The following ZNF831 variants were observed in gnomAD, a reference collection of about 807,000 sequenced individuals.
ZNF831 encodes chromosome 20 open reading frame 174.
Under a neutral mutation model 95.8 loss-of-function variants are expected in ZNF831, and 59 were observed. That is an observed-to-expected ratio of 0.62 (90% CI 0.50 to 0.77). The LOEUF is 0.77. Among genes scored for constraint, ZNF831 ranks in the 30% least tolerant of loss-of-function variants. The probability of loss-of-function intolerance (pLI) is 0.00; values close to 1 mark genes in which losing one functional copy is unlikely to be tolerated. For missense variants in ZNF831, 2,205 were observed against 2,164.0 expected, an observed-to-expected ratio of 1.02 and a Z score of -0.38; for synonymous variants, 961 against 925.5, an observed-to-expected ratio of 1.04 and a Z score of -0.70.
Position 59,232,994 on chromosome 20 carries a change from GCACACACACACACACA to G in ZNF831, c.4028-19949_4028-19934del, listed in dbSNP as rs59267396. Among the ~76,000 whole-genome samples, 703 of 123,078 alleles carry G rather than the reference GCACACACACACACACA, an allele frequency of 5.7e-3. 6 individuals carry two copies. Among genetic ancestry groups the G allele is most frequent in the Middle Eastern group, 0.017 (4 of 242 alleles). 80.7% of individuals were successfully genotyped at this position (123,078 alleles called of 152,430 possible). A position where few individuals can be genotyped will look rare whatever the true frequency, so the allele number is the denominator to read the frequency against. ...TCATTTTATAGGTGAGGACCCTGAG[GCACACACACACACACA>G]CACACACACACACACACACACACAC... On this transcript the variant is annotated intron_variant, in intron 4 of 5. Coordinates refer to ENST00000371030, the MANE Select transcript of ZNF831 (RefSeq NM_178457.3).
At chr20:59,181,633 C>T (rs1982623083) in intron 1 of ZNF831, among the ~76,000 whole-genome samples, 1 of 151,994 alleles carries the variant, frequency 6.6e-6, no homozygotes, top group Admixed American at 6.6e-5. Flanking sequence ...GAATCCTTTC[C>T]CCATTGCTTA....
intron 4 of ZNF831, among the ~76,000 whole-genome samples, chr20:59,240,559 T>C (rs1442472515): frequency 6.6e-6 from 1 of 152,082 alleles, no homozygotes; most frequent in East Asian, 1.9e-4. Context: ...CCCAGCACTT[T>C]GGGAGGCTGA....
At position 59,195,990 on chromosome 20, in the gene ZNF831, A is replaced by G. The variant is rs1460866930; in HGVS notation, c.3860A>G (p.Lys1287Arg). 2 of 1,613,940 alleles carry G rather than the reference A, an allele frequency of 1.2e-6. No individual in the cohort carries two copies. The highest frequency in any genetic ancestry group is 1.7e-6 in the Non-Finnish European group (2 of 1,179,956). Residue 1287 changes from lysine (K) to arginine (R), a missense_variant, in exon 3 of 6, where the codon AAG becomes AGG. Transcript: ENST00000371030. ...GGGAACAGCAAGCAGAGAAAACTGA[A>G]GATCAACCCTAAAAGGTAGGATGAG... Reference protein sequence around the residue: ...SRGNSKQRKLKINPKRYKGNF... With the variant: ...SRGNSKQRKLRINPKRYKGNF...
intron 3 of ZNF831, among the ~76,000 whole-genome samples, chr20:59,199,927 C>T (rs1429013526): frequency 6.6e-6 from 1 of 152,068 alleles, no homozygotes; most frequent in East Asian, 1.9e-4. Context: ...GTTTTTATTA[C>T]TCTGCAAATA....
intron 3 of ZNF831, among the ~76,000 whole-genome samples, chr20:59,198,169 A>G (rs755215557): frequency 1.3e-5 from 2 of 152,198 alleles, no homozygotes; most frequent in Non-Finnish European, 2.9e-5. Flanking sequence ...GGAGCCCAGG[A>G]GGCTTGGAGA....
chr20:59,181,520 T>G (rs996157610), intron 1 of ZNF831, among the ~76,000 whole-genome samples: 4 of 152,210 alleles, frequency 2.6e-5, no homozygotes, highest in Admixed American at 1.3e-4. Context: ...TACATTTAAG[T>G]CTTTAATCCA....
chr20:59,254,614 C>T lies in ZNF831; in HGVS notation c.4905C>T (p.Pro1635=), dbSNP rs778368445. The part of the protein sequence containing the change: ...DSVVPSKPEQ[P]IEIPEAPSKS... Reference sequence around the variant, plus strand: ...TGGTTCCTTCTAAGCCAGAGCAGCCCATAGAAATTCCTGAAGCCCCTTCTA... The same window carrying T: ...TGGTTCCTTCTAAGCCAGAGCAGCCTATAGAAATTCCTGAAGCCCCTTCTA... The change falls in exon 6 of 6, where the codon CCC becomes CCT. Residue 1635 remains proline, a synonymous_variant. Transcript: ENST00000371030. This position sits in a 1 kb window ranked among gnomAD's most constrained non-coding sequence, Gnocchi z 4.5. 1.9e-6 allele frequency: 3 copies of T among 1,613,852 alleles called. No homozygotes were observed. Among genetic ancestry groups the T allele is most frequent in the Admixed American group, 1.7e-5 (1 of 59,988 alleles).
intron 1 of ZNF831, among the ~76,000 whole-genome samples, chr20:59,133,887 C>T (rs1461497189): frequency 1.3e-5 from 2 of 152,200 alleles, no homozygotes; most frequent in African/African-American, 2.4e-5. Flanking sequence ...CAGAGAAGAG[C>T]GCATCATTGC....
chr20:59,222,757 C>G (rs1359808642), intron 4 of ZNF831, among the ~76,000 whole-genome samples: 2 of 152,178 alleles, frequency 1.3e-5, no homozygotes, highest in African/African-American at 4.8e-5. Flanking sequence ...GCCTGGAGTC[C>G]GGTCTGGGAG....
chr20:59,191,571 G>T lies in ZNF831; in HGVS notation c.552G>T (p.Gln184His), dbSNP rs764737660. 6.2e-7 allele frequency: 1 copy of T among 1,612,354 alleles called. No homozygotes were observed. Among genetic ancestry groups the T allele is most frequent in the Non-Finnish European group, 8.5e-7 (1 of 1,179,514 alleles). ...CCTGCGGCATCGCCTTTAAGACCCAGAGCAATCTCTACAAGCACAGGCGGA... is the reference window on the plus strand; with the variant it reads ...CCTGCGGCATCGCCTTTAAGACCCATAGCAATCTCTACAAGCACAGGCGGA... Reference protein sequence around the residue: ...CATCGIAFKTQSNLYKHRRTQ... With the variant: ...CATCGIAFKTHSNLYKHRRTQ... The change falls in exon 2 of 6, where the codon CAG becomes CAT. Residue 184 changes from glutamine to histidine, a missense_variant. Physicochemically the swap from Gln to His is conservative, Grantham distance 24. Transcript: ENST00000371030.
In ZNF831 at chr20:59,191,938, C is replaced by A; in HGVS notation, c.919C>A (p.Pro307Thr). ...PWRKLPEQKS[P>T]TAGKPCALQR... is the part of the protein sequence containing the mutation. Reference sequence around the variant, plus strand: ...GCGTAAGTTGCCAGAGCAGAAGTCGCCGACCGCCGGGAAGCCGTGCGCCCT... The same window carrying A: ...GCGTAAGTTGCCAGAGCAGAAGTCGACGACCGCCGGGAAGCCGTGCGCCCT... Residue 307 changes from proline (P) to threonine (T), a missense_variant, in exon 2 of 6, where the codon CCG becomes ACG. Pro to Thr is a conservative substitution (Grantham distance 38, BLOSUM62 -1). Transcript: ENST00000371030. 1 of 1,609,712 alleles carries A rather than the reference C, an allele frequency of 6.2e-7. No homozygotes were observed. Among genetic ancestry groups the A allele is most frequent in the Admixed American group, 1.7e-5 (1 of 59,844 alleles).
intron 2 of ZNF831, among the ~76,000 whole-genome samples, chr20:59,151,311 G>T (rs1980223163): frequency 6.6e-6 from 1 of 152,142 alleles, no homozygotes; most frequent in African/African-American, 2.4e-5. Flanking sequence ...CCCATCTCTG[G>T]ACAGAAGGAA....
Position 59,255,724 on chromosome 20 carries a change from C to A in ZNF831, c.*981C>A, listed in dbSNP as rs764767192. The A allele has an allele frequency of 6.6e-6, 1 of 152,168 alleles. No homozygotes were observed. The highest frequency in any genetic ancestry group is 1.5e-5 in the Non-Finnish European group (1 of 68,034). 9.4% of individuals were successfully genotyped at this position (152,168 alleles called of 1,614,324 possible). A position where few individuals can be genotyped will look rare whatever the true frequency, so the allele number is the denominator to read the frequency against. ...CCTTTTAGATTTCCTTCAGAAGCTTCAAGGATACAAAACTAATTGGAGTTT... is the reference window on the plus strand; with the variant it reads ...CCTTTTAGATTTCCTTCAGAAGCTTAAAGGATACAAAACTAATTGGAGTTT... On this transcript the variant is annotated 3_prime_UTR_variant, in exon 6 of 6. Transcript: ENST00000371030.
At chr20:59,216,563 G>A (rs1384964933) in intron 4 of ZNF831, among the ~76,000 whole-genome samples, 1 of 152,192 alleles carries the variant, frequency 6.6e-6, no homozygotes, top group Non-Finnish European at 1.5e-5. Flanking sequence ...CCCATGGTGG[G>A]CATGCTGCCT....
At chr20:59,222,403 A>G (rs1446322726) in intron 4 of ZNF831, among the ~76,000 whole-genome samples, 1 of 151,968 alleles carries the variant, frequency 6.6e-6, no homozygotes, top group Non-Finnish European at 1.5e-5. Flanking sequence ...CTTCTGGAAG[A>G]ACACAAAGCC....
chr20:59,193,331 G>T lies in ZNF831; in HGVS notation c.2312G>T (p.Gly771Val), dbSNP rs768817514. The T allele has an allele frequency of 1.2e-6, 2 of 1,613,014 alleles. No individual in the cohort carries two copies. Among genetic ancestry groups the T allele is most frequent in the Non-Finnish European group, 1.7e-6 (2 of 1,179,566 alleles). ...MPPAPGPLKG[G>V]DVEAPRPVWP... ...CCAGCACCTGGCCCCCTCAAAGGGGGTGATGTAGAGGCTCCCAGGCCAGTT... is the reference window on the plus strand; with the variant it reads ...CCAGCACCTGGCCCCCTCAAAGGGGTTGATGTAGAGGCTCCCAGGCCAGTT... The change falls in exon 2 of 6, where the codon GGT (glycine) becomes GTT (valine). Residue 771 changes from glycine (G) to valine (V), a missense_variant. Gly to Val is a moderately radical substitution (Grantham distance 109). Transcript: ENST00000371030.
intron 4 of ZNF831, among the ~76,000 whole-genome samples, chr20:59,231,945 G>A (rs773931834): frequency 2.6e-5 from 4 of 152,232 alleles, no homozygotes; most frequent in Non-Finnish European, 5.9e-5. Context: ...CACAGAACAA[G>A]GCGTGAGAGA....
intron 1 of ZNF831, among the ~76,000 whole-genome samples, chr20:59,186,526 A>G (rs1421376917): frequency 1.3e-5 from 2 of 152,212 alleles, no homozygotes; most frequent in African/African-American, 4.8e-5. Context: ...CTCTGCCCCA[A>G]TGCCACTGTT....
chr20:59,194,644 G>A lies in ZNF831; in HGVS notation c.3625G>A (p.Val1209Met), dbSNP rs2146602957. 1 of 1,613,558 alleles carries A rather than the reference G, an allele frequency of 6.2e-7. No homozygotes were observed. The highest frequency in any genetic ancestry group is 2.2e-5 in the East Asian group (1 of 44,868). The stretch of plus-strand genomic sequence containing the variant: ...AAAGGCGGCATCTGTGTACTTGGCG[G>A]TGCACTTTCCTGGTAGCAGCCTCCG... ...KAKAASVYLA[V>M]HFPGSSLRDE... The change falls in exon 2 of 6, where the codon GTG (valine) becomes ATG (methionine). Residue 1209 changes from valine to methionine, a missense_variant. By Grantham distance (21) the Val-to-Met change is conservative. Transcript: ENST00000371030.
Sources: gnomAD v4.1 joint callset for allele counts (sites outside exome capture counted in the v4.1 genomes callset) on GRCh38, gnomAD v4.1.1 for gene constraint, Gnocchi (gnomAD v3.1) non-coding constraint, MANE v1.5 for transcripts, NCBI Gene and HGNC (gene_info 2026-07-23, HGNC 2026-07-21) for gene names.